The following HDGF variants were observed in gnomAD, a reference collection of about 807,000 sequenced individuals.
HDGF encodes hepatoma-derived growth factor.
A neutral mutation model predicts 30.0 loss-of-function variants in HDGF; 5 were observed. The ratio of observed to expected loss-of-function variants is 0.17; its 90% confidence interval spans 0.09 to 0.35. The LOEUF is 0.35. Among genes scored for constraint, HDGF ranks in the 10% least tolerant of loss-of-function variants. The probability of loss-of-function intolerance (pLI) is 1.00; values close to 1 mark genes in which losing one functional copy is unlikely to be tolerated. For synonymous variants in HDGF, 133 were observed against 112.7 expected, an observed-to-expected ratio of 1.18 and a Z score of -1.14; for missense variants, 214 against 302.8, an observed-to-expected ratio of 0.71 and a Z score of 2.18.
intron 5 of HDGF, 95 bp downstream of exon 5, chr1:156,743,557 G>C (rs1169306252): frequency 6.4e-7 from 1 of 1,570,616 alleles, no homozygotes; most frequent in Non-Finnish European, 8.8e-7. Context: ...CCTGCCTCCC[G>C]AGAGGCTGAC....
intron 1 of HDGF, among the ~76,000 whole-genome samples, chr1:156,762,246 G>GAA (rs544797429): frequency 3.0e-5 from 4 of 134,650 alleles, no homozygotes; most frequent in Admixed American, 7.5e-5. Context: ...TTCATATAAG[G>GAA]AAAAAAAAAA....
intron 2 of HDGF, among the ~76,000 whole-genome samples, chr1:156,758,025 C>T (rs1245623240): frequency 2.0e-5 from 3 of 151,396 alleles, no homozygotes; most frequent in Admixed American, 6.6e-5. Context: ...TGGCTGGGTG[C>T]GGTGGCTCAC....
At chr1:156,762,095 T>C (rs1386558316) in intron 1 of HDGF, among the ~76,000 whole-genome samples, 1 of 151,070 alleles carries the variant, frequency 6.6e-6, no homozygotes, top group Admixed American at 6.6e-5. Flanking sequence ...TGAGCCCAGA[T>C]AGCACCACTG....
chr1:156,758,440 A>G (rs1269727346), intron 2 of HDGF, among the ~76,000 whole-genome samples: 1 of 151,648 alleles, frequency 6.6e-6, no homozygotes, highest in Non-Finnish European at 1.5e-5. Context: ...AAATACAAAA[A>G]ACATTCACTG....
rs146810668 is a variant in HDGF at position 156,758,592 on chromosome 1, C to CAAAAA, written n.373+386_373+390dup. The stretch of plus-strand genomic sequence containing the variant: ...TGGGTGACAGAGCGAGACTCCGTCT[C>CAAAAA]AAAAAAAAAAATAAATAAATAAATA... On this transcript the variant is annotated intron_variant and non_coding_transcript_variant, in intron 2 of 7. Coordinates refer to the HDGF transcript ENST00000465180. Among the ~76,000 whole-genome samples, 43 of 85,970 alleles carry CAAAAA rather than the reference C, an allele frequency of 5.0e-4. 1 individual carries two copies. Among genetic ancestry groups the CAAAAA allele is most frequent in the South Asian group, 1.3e-3 (3 of 2,400 alleles). The allele number at this position is 85,970 out of a possible 152,430, so 56.4% of individuals were successfully genotyped here.
upstream of HDGF, among the ~76,000 whole-genome samples, chr1:156,752,866 T>G (rs75954255): frequency 6.6e-6 from 1 of 152,096 alleles, no homozygotes; most frequent in African/African-American, 2.4e-5. Context: ...GTAAAACATA[T>G]GCATGTTTTT....
intron 1 of HDGF, among the ~76,000 whole-genome samples, chr1:156,748,849 G>A (rs554699135): frequency 6.6e-6 from 1 of 152,296 alleles, no homozygotes; most frequent in East Asian, 1.9e-4. Flanking sequence ...GTTGGGGCCA[G>A]GAAAGTGTGG....
In HDGF at chr1:156,751,233, A is replaced by G; in HGVS notation, c.87+110T>C. On this transcript the variant is annotated intron_variant, in intron 1 of 5. Coordinates refer to ENST00000357325, the MANE Select transcript of HDGF (RefSeq NM_004494.3). This position sits in a 1 kb window ranked among gnomAD's most constrained non-coding sequence, Gnocchi z 4.7. ...ACAGAGAAAGAGCCGGAGACCTACAAGCCCCCTGCCCCCACCTCTGCCCGC... is the reference window on the plus strand; with the variant it reads ...ACAGAGAAAGAGCCGGAGACCTACAGGCCCCCTGCCCCCACCTCTGCCCGC... 1 of 1,308,472 alleles carries G rather than the reference A, an allele frequency of 7.6e-7. No homozygotes were observed. The allele number at this position is 1,308,472 out of a possible 1,614,324, so 81.1% of individuals were successfully genotyped here.
chr1:156,755,849 C>T (rs550898253), upstream of HDGF, among the ~76,000 whole-genome samples: 3 of 152,302 alleles, frequency 2.0e-5, no homozygotes, highest in African/African-American at 7.2e-5. Flanking sequence ...CCTGCCACCA[C>T]CATGGACACT....
intron 1 of HDGF, among the ~76,000 whole-genome samples, chr1:156,765,095 C>CTT (rs869251878): frequency 4.3e-5 from 6 of 140,088 alleles, no homozygotes; most frequent in Non-Finnish European, 7.8e-5. Flanking sequence ...CCCCCCCGCC[C>CTT]TTTTTTTTTT....
chr1:156,754,243 T>C (rs1022730803), upstream of HDGF, among the ~76,000 whole-genome samples: 1 of 152,156 alleles, frequency 6.6e-6, no homozygotes, highest in African/African-American at 2.4e-5. Flanking sequence ...TATTTTCCAA[T>C]TTGGTACACT....
At chr1:156,762,032 C>T (rs760151950) in intron 1 of HDGF, among the ~76,000 whole-genome samples, 2 of 151,336 alleles carry the variant, frequency 1.3e-5, no homozygotes, top group Admixed American at 6.6e-5. Flanking sequence ...GTCCCAGCTA[C>T]TCCTGAGGCT....
intron 4 of HDGF, 104 bp from the exon 5 acceptor site, chr1:156,743,982 C>T (rs1274551784): frequency 3.7e-6 from 4 of 1,072,346 alleles, no homozygotes; most frequent in African/African-American, 1.5e-5. Flanking sequence ...ACCCACAGTC[C>T]TTCCCCAACC....
rs560655837 is a variant in HDGF, at chr1:156,764,198, G to T, written n.136+2592C>A. Among the ~76,000 whole-genome samples the T allele has an allele frequency of 2.7e-3, 416 of 151,920 alleles. 2 individuals are homozygous for T. The highest frequency in any genetic ancestry group is 9.6e-3 in the African/African-American group (398 of 41,440). Reference sequence around the variant, plus strand: ...CTCCTTAAGTGCTGGGATTACAGGCGTGAGCCACCGTACATAGTTAAAAAT... The same window carrying T: ...CTCCTTAAGTGCTGGGATTACAGGCTTGAGCCACCGTACATAGTTAAAAAT... On this transcript the variant is annotated intron_variant and non_coding_transcript_variant, in intron 1 of 7. Coordinates refer to the HDGF transcript ENST00000465180.
chr1:156,763,527 A>G (rs1316185621), intron 1 of HDGF, among the ~76,000 whole-genome samples: 1 of 150,918 alleles, frequency 6.6e-6, no homozygotes, highest in Non-Finnish European at 1.5e-5. Context: ...ATTCTGTTTT[A>G]CTGGAAAACT....
intron 2 of HDGF, among the ~76,000 whole-genome samples, chr1:156,757,722 G>T (rs1651175362): frequency 6.6e-6 from 1 of 151,356 alleles, no homozygotes; most frequent in South Asian, 2.1e-4. Context: ...GAGCCTGGGA[G>T]GCAGAGGTTG....
chr1:156,750,374 A>T (rs1446008753), intron 1 of HDGF, among the ~76,000 whole-genome samples: 1 of 151,830 alleles, frequency 6.6e-6, no homozygotes, highest in Non-Finnish European at 1.5e-5. Context: ...GCAACCTCCC[A>T]TCCTCCTTAC....
upstream of HDGF, among the ~76,000 whole-genome samples, chr1:156,755,864 G>T (rs886924028): frequency 2.0e-5 from 3 of 152,224 alleles, no homozygotes; most frequent in Non-Finnish European, 4.4e-5. Context: ...GACACTTTGT[G>T]TGTAACTTTA....
At chr1:156,749,821 T>G (rs556556902) in intron 1 of HDGF, among the ~76,000 whole-genome samples, 1 of 152,218 alleles carries the variant, frequency 6.6e-6, no homozygotes, top group East Asian at 1.9e-4. Flanking sequence ...TAGTCCAGCC[T>G]CTGGACTTTG....
Sources: gnomAD v4.1 joint callset for allele counts (sites outside exome capture counted in the v4.1 genomes callset) on GRCh38, gnomAD v4.1.1 for gene constraint, Gnocchi (gnomAD v3.1) non-coding constraint, MANE v1.5 for transcripts, NCBI Gene and HGNC (gene_info 2026-07-23, HGNC 2026-07-21) for gene names.